DMD: variants seen among roughly 807,000 people sequenced by gnomAD.
DMD encodes the protein dystrophin, also known as mutant dystrophin.
A neutral mutation model predicts 330.1 loss-of-function variants in DMD; 63 were observed. The ratio of observed to expected loss-of-function variants is 0.19; its 90% CI spans 0.16 to 0.24. DMD has a LOEUF of 0.24. Ranked by LOEUF, DMD falls within the 10% of genes least tolerant of loss-of-function variation. The probability of loss-of-function intolerance (pLI) is 1.00; values close to 1 mark genes in which losing one functional copy is unlikely to be tolerated. For missense variants in DMD, 3,344 were observed against 2,684.1 expected (o/e 1.25, Z -5.43); for synonymous variants, 1,223 against 959.8 (o/e 1.27, Z -5.07).
chrX:33,003,300 T>C (rs1188191090), intron 2 of DMD, among the ~76,000 whole-genome samples: 1 of 111,879 alleles, frequency 8.9e-6, no homozygotes, highest in African/African-American at 3.2e-5. Context: ...TCCAGTTCTA[T>C]CCAAGTTGTT....
intron 64 of DMD, among the ~76,000 whole-genome samples, chrX:31,221,407 A>T (rs1006261468): frequency 2.7e-5 from 3 of 112,236 alleles, no homozygotes; most frequent in African/African-American, 9.7e-5. Context: ...TGAATGTGTC[A>T]TGCTTTCTCT....
intron 44 of DMD, among the ~76,000 whole-genome samples, chrX:32,169,543 G>A (rs1269368892): frequency 9.0e-6 from 1 of 111,570 alleles, no homozygotes; most frequent in Non-Finnish European, 1.9e-5. Context: ...CATAACAGGA[G>A]GTTTCTAGAC....
chrX:32,873,143 A>G (rs1310543487), intron 2 of DMD, among the ~76,000 whole-genome samples: 1 of 111,155 alleles, frequency 9.0e-6, no homozygotes, highest in Non-Finnish European at 1.9e-5. Context: ...CCAGGCCTGT[A>G]GGTCCTCAGG....
At chrX:32,837,236 C>T (rs1160228188) in intron 4 of DMD, among the ~76,000 whole-genome samples, 1 of 111,831 alleles carries the variant, frequency 8.9e-6, no homozygotes, top group Admixed American at 9.5e-5. Context: ...TTCACTAACC[C>T]ACCAAACTTC....
At chrX:33,011,152 G>C (rs1296215278) in intron 2 of DMD, among the ~76,000 whole-genome samples, 2 of 111,455 alleles carry the variant, frequency 1.8e-5, no homozygotes, top group East Asian at 2.8e-4. Context: ...CATTAGTGGT[G>C]GTGGGGCAGT....
At chrX:32,675,194 T>A (rs1209904831) in intron 9 of DMD, among the ~76,000 whole-genome samples, 1 of 111,427 alleles carries the variant, frequency 9.0e-6, no homozygotes, top group Non-Finnish European at 1.9e-5. Flanking sequence ...AATGGAATTT[T>A]TAGAAAGGAT....
At chrX:31,266,774 G>T in intron 62 of DMD, 1 of 1,160,804 alleles carries the variant, frequency 8.6e-7, no homozygotes, top group Non-Finnish European at 1.2e-6. Flanking sequence ...CACGGATTGC[G>T]GCCATCAGAC....
intron 1 of DMD, among the ~76,000 whole-genome samples, chrX:33,330,581 G>A (rs757238347): frequency 2.4e-3 from 273 of 111,627 alleles, no homozygotes; most frequent in African/African-American, 8.6e-3. Flanking sequence ...ACCAATGGGA[G>A]GTAACTGTTT....
At chrX:31,767,788 G>A (rs1341227274) in intron 51 of DMD, among the ~76,000 whole-genome samples, 2 of 111,924 alleles carry the variant, frequency 1.8e-5, no homozygotes, top group Admixed American at 1.9e-4. Context: ...TTATTCTGTA[G>A]CTAATTCAAA....
At chrX:32,773,742 G>T (rs151231559) in intron 7 of DMD, among the ~76,000 whole-genome samples, 2 of 109,801 alleles carry the variant, frequency 1.8e-5, no homozygotes, top group Non-Finnish European at 3.8e-5. Flanking sequence ...TCTTTCTCTC[G>T]CTCTCCTTTT....
chrX:32,882,251 C>A (rs1434192917), intron 2 of DMD, among the ~76,000 whole-genome samples: 1 of 111,652 alleles, frequency 9.0e-6, no homozygotes, highest in Non-Finnish European at 1.9e-5. Context: ...CTCAAGGGTT[C>A]TAAGTGTTAG....
intron 29 of DMD, among the ~76,000 whole-genome samples, chrX:32,433,189 C>G (rs1048990171): frequency 1.8e-5 from 2 of 111,968 alleles, no homozygotes; most frequent in African/African-American, 6.5e-5. Flanking sequence ...AACGGGGAAA[C>G]TCGTTAATTG....
chrX:31,882,766 T>C (rs1415469638), intron 47 of DMD, among the ~76,000 whole-genome samples: 10 of 111,796 alleles, frequency 8.9e-5, no homozygotes, highest in African/African-American at 2.9e-4. Flanking sequence ...TGATTGCAAA[T>C]TAAAACACAA....
chrX:31,370,695 G>T (rs983676599), intron 60 of DMD, among the ~76,000 whole-genome samples: 2 of 111,991 alleles, frequency 1.8e-5, no homozygotes, highest in African/African-American at 6.5e-5. Context: ...TTATCTCAGG[G>T]AAATAAAAAC....
At position 33,047,215 on chromosome X, in the gene DMD, C is replaced by G. The variant is rs143533784; in HGVS notation, c.32-27015G>C. ...ACCCAATAGCAGGTGCTGAAAATCA[C>G]TGATCGTGTTGCTGACAAAGGAGAG... On this transcript the variant is annotated intron_variant, in intron 1 of 78. Coordinates refer to ENST00000357033, the MANE Select transcript of DMD (RefSeq NM_004006.3). Among the ~76,000 whole-genome samples the G allele has an allele frequency of 2.7e-5, 3 of 112,435 alleles. No homozygotes were observed. In the East Asian group the frequency reaches 8.4e-4, roughly 32 times the overall value.
chrX:33,334,528 A>G (rs747972513), intron 1 of DMD, among the ~76,000 whole-genome samples: 2 of 111,430 alleles, frequency 1.8e-5, no homozygotes, highest in Non-Finnish European at 1.9e-5. Context: ...GCATGAAAGG[A>G]GTCCTATATA....
intron 48 of DMD, among the ~76,000 whole-genome samples, chrX:31,861,462 T>C (rs1267936246): frequency 9.1e-6 from 1 of 109,577 alleles, no homozygotes; most frequent in Non-Finnish European, 1.9e-5. Flanking sequence ...TGTAAAATGA[T>C]GTGCACAAAG....
intron 60 of DMD, among the ~76,000 whole-genome samples, chrX:31,375,532 C>T (rs1252675311): frequency 1.8e-5 from 2 of 111,494 alleles, no homozygotes; most frequent in African/African-American, 6.5e-5. Flanking sequence ...ATGTGCTTGG[C>T]AGAAAACCGT....
chrX:32,480,050 A>G (rs2041687919), intron 21 of DMD, among the ~76,000 whole-genome samples: 1 of 111,494 alleles, frequency 9.0e-6, no homozygotes, highest in Admixed American at 9.6e-5. Flanking sequence ...AGAAACCTCA[A>G]AAAACTCAAC....
Sources: gnomAD v4.1 joint callset for allele counts (sites outside exome capture counted in the v4.1 genomes callset) on GRCh38, gnomAD v4.1.1 for gene constraint, MANE v1.5 for transcripts, NCBI Gene and HGNC (gene_info 2026-07-23, HGNC 2026-07-21) for gene names.